The following PNN variants were observed in gnomAD, a reference collection of about 807,000 sequenced individuals.
PNN encodes the protein pinin, desmosome associated protein.
In PNN, 38 loss-of-function variants were observed where a neutral mutation model predicts 76.6. The observed-to-expected ratio is 0.50, with a 90% CI of 0.38 to 0.65. PNN has a LOEUF of 0.65. Among genes scored for constraint, PNN ranks in the 30% least tolerant of loss-of-function variants. The probability of loss-of-function intolerance (pLI) is 0.00; values close to 1 mark genes in which losing one functional copy is unlikely to be tolerated. For synonymous variants in PNN, 366 were observed against 283.7 expected, an observed-to-expected ratio of 1.29 and a Z score of -2.91; for missense variants, 873 against 874.1, an observed-to-expected ratio of 1.00 and a Z score of 0.02.
chr14:39,179,261 GGAATTCTAA>G lies in PNN; in HGVS notation c.654+18_654+26del, dbSNP rs1433686603. The G allele has an allele frequency of 6.2e-7, 1 of 1,609,860 alleles. No homozygotes were observed. Among genetic ancestry groups the G allele is most frequent in the Admixed American group, 1.7e-5 (1 of 58,868 alleles). The stretch of plus-strand genomic sequence containing the variant: ...TTGCGCAGCTGGTGAGTGGTAATTT[GGAATTCTAA>G]GATTGGTAATCCTTTGTGTTTACAA... On this transcript the variant is annotated intron_variant, in intron 7 of 8. Coordinates refer to ENST00000216832, the MANE Select transcript of PNN (RefSeq NM_002687.4).
At chr14:39,175,505 C>G (rs775269016) in intron 1 of PNN, 113 bp downstream of exon 1, 2 of 710,786 alleles carry the variant, frequency 2.8e-6, no homozygotes, top group Non-Finnish European at 5.0e-6. Flanking sequence ...ACCTCGAGGC[C>G]TGTTCGCGGG....
In PNN at chr14:39,181,622, G is replaced by C; in HGVS notation, c.1913G>C (p.Arg638Pro). 3 of 1,614,040 alleles carry C rather than the reference G, an allele frequency of 1.9e-6. No individual in the cohort carries two copies. Among genetic ancestry groups the C allele is most frequent in the Non-Finnish European group, 2.5e-6 (3 of 1,179,994 alleles). Residue 638 changes from arginine (R) to proline (P), a missense_variant, in exon 9 of 9, where the codon CGG becomes CCG. Arg to Pro is a moderately radical substitution (Grantham distance 103). Around this residue, in one of 3 missense-constraint regions of PNN, gnomAD observed 712 missense variants for 693.1 expected, o/e 1.03. Transcript: ENST00000216832. ...SSESRSRSRG[R>P]GHNRDRKHRR... is the part of the protein sequence containing the mutation. The stretch of plus-strand genomic sequence containing the variant: ...GAGAGTAGAAGTCGGAGTAGGGGCC[G>C]GGGACATAATAGAGATAGAAAGCAC...
intron 6 of PNN, 71 bp from the exon 7 acceptor site, chr14:39,179,020 T>C: frequency 1.4e-6 from 2 of 1,396,990 alleles, no homozygotes; most frequent in Middle Eastern, 3.7e-4. Context: ...ATAATTGAAC[T>C]GAAATCATAT....
chr14:39,177,483 A>G lies in PNN; in HGVS notation c.326A>G (p.Lys109Arg), dbSNP rs1399789000. ...GACCCGGAGGATGATGATGTTAAAA[A>G]GGTATTGAGATTGAAAGAACTTAAA... ...ESDPEDDDVK[K>R]PALQSSVVAT... is the part of the protein sequence containing the mutation. The change falls in exon 4 of 9, where the codon AAG (lysine) becomes AGG (arginine). Residue 109 changes from lysine (K) to arginine (R), a missense_variant and splice_region_variant. Around this residue, in one of 3 missense-constraint regions of PNN, gnomAD observed 156 missense variants for 161.7 expected, o/e 0.96. Transcript: ENST00000216832. 1.9e-6 allele frequency: 3 copies of G among 1,613,498 alleles called. No individual in the cohort carries two copies. Among genetic ancestry groups the G allele is most frequent in the South Asian group, 2.2e-5 (2 of 91,078 alleles).
intron 3 of PNN, 62 bp from the exon 4 acceptor site, chr14:39,177,350 C>T (rs1193123459): frequency 7.4e-7 from 1 of 1,351,450 alleles, no homozygotes; most frequent in African/African-American, 1.4e-5. Context: ...GGCACCACTG[C>T]ACTTCAGCCT....
rs2053274551 is a variant in PNN at position 39,182,043 on chromosome 14, GAGTT to G, written c.*182_*185del. On this transcript the variant is annotated 3_prime_UTR_variant, in exon 9 of 9. Coordinates refer to ENST00000216832, the MANE Select transcript of PNN (RefSeq NM_002687.4). ...TTGTACTTTTTGCATAATTTTGTAA[GAGTT>G]ATTTATCAAAATTATGTGAGGTTCC... is the stretch of plus-strand genomic sequence containing the variant. 2 of 532,746 alleles carry G rather than the reference GAGTT, an allele frequency of 3.8e-6. No individual in the cohort carries two copies. Among genetic ancestry groups the G allele is most frequent in the South Asian group, 7.4e-5 (2 of 27,134 alleles). The allele number at this position is 532,746 out of a possible 1,614,324, so 33.0% of individuals were successfully genotyped here. A position where few individuals can be genotyped will look rare whatever the true frequency, so the allele number is the denominator to read the frequency against.
intron 8 of PNN, 115 bp downstream of exon 8, chr14:39,179,577 C>CTTT: frequency 1.3e-6 from 1 of 747,166 alleles, no homozygotes; most frequent in Non-Finnish European, 2.0e-6. Flanking sequence ...GCTGTGTTTG[C>CTTT]TTTTTTTTTT....
rs976109104 is a variant in PNN at position 39,177,688 on chromosome 14, G to A, written c.422+1G>A. ...ATATGGATGAAAAGGGAAAGCAAAG[G>A]TATTTCCCTGGGGGAAAAAAACTCT... is the stretch of plus-strand genomic sequence containing the variant. On this transcript the variant is annotated splice_donor_variant, in intron 5 of 8. Transcript: ENST00000216832. LOFTEE classifies it high-confidence loss of function. 6 of 1,600,132 alleles carry A rather than the reference G, an allele frequency of 3.7e-6. No individual in the cohort carries two copies. The highest frequency in any genetic ancestry group is 2.2e-5 in the East Asian group (1 of 44,826).
At chr14:39,176,488 G>A in intron 2 of PNN, 39 bp from the exon 3 acceptor site, 2 of 1,392,990 alleles carry the variant, frequency 1.4e-6, no homozygotes, top group South Asian at 1.2e-5. Flanking sequence ...CATTTATCTT[G>A]TATTTCAAGT....
rs1159258515 is a variant in PNN at position 39,177,595 on chromosome 14, A to G, written c.330A>G (p.Pro110=). The change falls in exon 5 of 9, where the codon CCA becomes CCG. Residue 110 remains proline (P), a splice_region_variant and synonymous_variant. Coordinates refer to ENST00000216832, the MANE Select transcript of PNN (RefSeq NM_002687.4). ...SDPEDDDVKK[P]ALQSSVVATS... Reference sequence around the variant, plus strand: ...ACTGAGATTTTCTTTTTCTGCAGCCAGCATTGCAGTCTTCAGTTGTAGCTA... The same window carrying G: ...ACTGAGATTTTCTTTTTCTGCAGCCGGCATTGCAGTCTTCAGTTGTAGCTA... 2 of 1,613,450 alleles carry G rather than the reference A, an allele frequency of 1.2e-6. No homozygotes were observed. Among genetic ancestry groups the G allele is most frequent in the Non-Finnish European group, 1.7e-6 (2 of 1,179,340 alleles).
rs2053272930 is a variant in PNN at position 39,181,848 on chromosome 14, A to G, written c.2139A>G (p.Lys713=). 1 of 1,589,052 alleles carries G rather than the reference A, an allele frequency of 6.3e-7. No individual in the cohort carries two copies. The highest frequency in any genetic ancestry group is 8.5e-7 in the Non-Finnish European group (1 of 1,172,694). ...AAAGAGACCGAAAATCAGACAGGAA[A>G]GACAAAAGGCGTTAATGGAAGAAGC... ...RSERDRKSDR[K]DKRR Residue 713 remains lysine (K), a synonymous_variant, in exon 9 of 9, where the codon AAA becomes AAG. Transcript: ENST00000216832.
chr14:39,175,475 C>T (rs574967080), intron 1 of PNN, 83 bp downstream of exon 1: 3 of 851,198 alleles, frequency 3.5e-6, no homozygotes, highest in South Asian at 1.4e-5. Flanking sequence ...GGGAGGGCGG[C>T]CAGCCTTAAG....
chr14:39,175,345 G>A lies in PNN; in HGVS notation c.66G>A (p.Val22=), dbSNP rs1407938213. The A allele has an allele frequency of 1.3e-5, 21 of 1,612,950 alleles. No individual in the cohort carries two copies. Among genetic ancestry groups the A allele is most frequent in the Non-Finnish European group, 1.8e-5 (21 of 1,179,488 alleles). The change falls in exon 1 of 9, where the codon GTG becomes GTA. Residue 22 remains valine (V), a synonymous_variant. Coordinates refer to ENST00000216832, the MANE Select transcript of PNN (RefSeq NM_002687.4). ...AGGCCAAAGAGAGTCTTAAGAACGT[G>A]GATGAGAACATTCGCAAGCTCACCG... ...LEKAKESLKN[V]DENIRKLTGR...
chr14:39,181,803 C>A lies in PNN; in HGVS notation c.2094C>A (p.Gly698=), dbSNP rs1348540807. Residue 698 remains glycine, a synonymous_variant, in exon 9 of 9, where the codon GGC becomes GGA. Transcript: ENST00000216832. ...KRSISESSRS[G]KRSSRSERDR... is the part of the protein sequence containing the mutation. ...CTATATCAGAGAGTAGTCGATCAGG[C>A]AAAAGATCTTCAAGAAGTGAAAGAG... 1 of 1,610,814 alleles carries A rather than the reference C, an allele frequency of 6.2e-7. No individual in the cohort carries two copies. The highest frequency in any genetic ancestry group is 2.2e-5 in the East Asian group (1 of 44,866).
rs1027357137 is a variant in PNN, at chr14:39,181,812, T to G, written c.2103T>G (p.Ser701=). ...ISESSRSGKR[S]SRSERDRKSD... is the part of the protein sequence containing the mutation. ...AGAGTAGTCGATCAGGCAAAAGATC[T>G]TCAAGAAGTGAAAGAGACCGAAAAT... The change falls in exon 9 of 9, where the codon TCT becomes TCG. Residue 701 remains serine, a synonymous_variant. Coordinates refer to ENST00000216832, the MANE Select transcript of PNN (RefSeq NM_002687.4). 2 of 1,608,760 alleles carry G rather than the reference T, an allele frequency of 1.2e-6. No individual in the cohort carries two copies. The highest frequency in any genetic ancestry group is 1.7e-6 in the Non-Finnish European group (2 of 1,178,728).
At chr14:39,177,279 G>A (rs923232786) in intron 3 of PNN, 133 bp from the exon 4 acceptor site, 7 of 677,238 alleles carry the variant, frequency 1.0e-5, no homozygotes, top group Non-Finnish European at 1.8e-5. Flanking sequence ...CCAGCTGCTT[G>A]GGAGGATGAG....
intron 1 of PNN, 23 bp downstream of exon 1, chr14:39,175,415 G>C (rs747350042): frequency 4.8e-5 from 70 of 1,447,376 alleles, no homozygotes; most frequent in Non-Finnish European, 2.6e-5. Context: ...CGGGAACTCG[G>C]AACTCGGAGC....
Position 39,181,997 on chromosome 14 carries a change from CTG to C in PNN, c.*136_*137del. 1.2e-6 allele frequency: 1 copy of C among 820,328 alleles called. No individual in the cohort carries two copies. Among genetic ancestry groups the C allele is most frequent in the Non-Finnish European group, 1.8e-6 (1 of 551,802 alleles). 50.8% of individuals were successfully genotyped at this position (820,328 alleles called of 1,614,324 possible). A position where few individuals can be genotyped will look rare whatever the true frequency, so the allele number is the denominator to read the frequency against. On this transcript the variant is annotated 3_prime_UTR_variant, in exon 9 of 9. Coordinates refer to ENST00000216832, the MANE Select transcript of PNN (RefSeq NM_002687.4). ...AAAAAATCTTTTTGGAAAATACAGACTGTTTGTTTACCAGACATTCTTGTACT... is the reference window on the plus strand; with the variant it reads ...AAAAAATCTTTTTGGAAAATACAGACTTTGTTTACCAGACATTCTTGTACT...
intron 6 of PNN, among the ~76,000 whole-genome samples, chr14:39,178,642 A>T (rs1051941453): frequency 6.7e-6 from 1 of 150,288 alleles, no homozygotes; most frequent in African/African-American, 2.4e-5. Context: ...AGCTCAAAGC[A>T]ATCCACCCAC....
Sources: gnomAD v4.1 joint callset for allele counts (sites outside exome capture counted in the v4.1 genomes callset) on GRCh38, gnomAD v4.1.1 for gene constraint, gnomAD v4.1.1 regional missense constraint, MANE v1.5 for transcripts, NCBI Gene and HGNC (gene_info 2026-07-23, HGNC 2026-07-21) for gene names.